NOS1AP: variants seen among roughly 807,000 people sequenced by gnomAD.
NOS1AP encodes carboxyl-terminal PDZ ligand of neuronal nitric oxide synthase protein.
Under a neutral mutation model 56.2 loss-of-function variants are expected in NOS1AP, and 21 were observed. That is an observed-to-expected ratio of 0.37 (90% confidence interval 0.26 to 0.54). The LOEUF (loss-of-function observed/expected upper bound fraction) is 0.54, where lower values mean the gene tolerates loss of function less well. Among genes scored for constraint, NOS1AP ranks in the 20% least tolerant of loss-of-function variants. NOS1AP has a pLI of 0.84. For synonymous variants in NOS1AP, 270 were observed against 274.6 expected (o/e 0.98, Z 0.17); for missense variants, 522 against 657.8 (o/e 0.79, Z 2.26).
At chr1:162,184,774 AAGTT>A (rs1651372401) in intron 2 of NOS1AP, among the ~76,000 whole-genome samples, 1 of 152,196 alleles carries the variant, frequency 6.6e-6, no homozygotes, top group African/African-American at 2.4e-5. Flanking sequence ...TGAAGTGAGA[AAGTT>A]AGATTAAATC....
At position 162,171,865 on chromosome 1, in the gene NOS1AP, C is replaced by T. The variant is rs1412692474; in HGVS notation, c.177+17389C>T. On this transcript the variant is annotated intron_variant, in intron 2 of 9. Transcript: ENST00000361897. ...GCCTCTCTCCTTTCATGGAATCTCC[C>T]TGTGCAATAAAGGAAAGCTGAGGAC... Among the ~76,000 whole-genome samples the T allele has an allele frequency of 3.9e-5, 6 of 152,242 alleles. No individual in the cohort carries two copies. In the East Asian group the frequency reaches 7.7e-4, roughly 20 times the overall value.
intron 2 of NOS1AP, among the ~76,000 whole-genome samples, chr1:162,269,402 A>G (rs1056891638): frequency 2.0e-5 from 3 of 152,190 alleles, no homozygotes; most frequent in Non-Finnish European, 4.4e-5. Flanking sequence ...TTTTTTGAAA[A>G]GTAACTTTAA....
chr1:162,262,794 T>C (rs959646740), intron 2 of NOS1AP, among the ~76,000 whole-genome samples: 5 of 152,202 alleles, frequency 3.3e-5, no homozygotes, highest in Non-Finnish European at 7.3e-5. Flanking sequence ...GTAATCTTAA[T>C]GTGAAAAACA....
intron 6 of NOS1AP, among the ~76,000 whole-genome samples, chr1:162,346,446 GA>G (rs1657298063): frequency 1.6e-5 from 1 of 63,140 alleles, no homozygotes; most frequent in Admixed American, 2.0e-4. Flanking sequence ...GTGAATAAAG[GA>G]AAAAAATAGA....
chr1:162,273,565 T>C (rs1654651007), intron 2 of NOS1AP, among the ~76,000 whole-genome samples: 1 of 152,184 alleles, frequency 6.6e-6, no homozygotes, highest in Non-Finnish European at 1.5e-5. Flanking sequence ...TGTGCTAACC[T>C]TGGAGGCCTG....
chr1:162,301,475 C>T (rs1441561978), intron 4 of NOS1AP, among the ~76,000 whole-genome samples: 1 of 152,154 alleles, frequency 6.6e-6, no homozygotes, highest in African/African-American at 2.4e-5. Context: ...TATAAGCCAG[C>T]CAGTTTCTGG....
chr1:162,247,803 A>G (rs988184392), intron 2 of NOS1AP, among the ~76,000 whole-genome samples: 3 of 152,214 alleles, frequency 2.0e-5, no homozygotes, highest in African/African-American at 7.2e-5. Context: ...CTTTGGGAAG[A>G]CAGGTCTAAT....
chr1:162,318,078 C>A (rs950228911), intron 4 of NOS1AP, among the ~76,000 whole-genome samples: 5 of 152,166 alleles, frequency 3.3e-5, no homozygotes, highest in African/African-American at 1.2e-4. Flanking sequence ...GGACCCCAGG[C>A]GAGCTCCTCT....
intron 2 of NOS1AP, among the ~76,000 whole-genome samples, chr1:162,223,434 G>A (rs1345737462): frequency 6.6e-6 from 1 of 151,850 alleles, no homozygotes; most frequent in African/African-American, 2.4e-5. Flanking sequence ...TAGGGGTGGG[G>A]TGGGGGAGCT....
intron 8 of NOS1AP, chr1:162,360,428 C>T (rs539436540): frequency 5.1e-4 from 91 of 177,926 alleles, no homozygotes; most frequent in African/African-American, 1.8e-3. Context: ...TGGGCTGGGC[C>T]GACATAGTCT....
At chr1:162,273,524 G>GCAGTGGAGAGGGTATCCCTCACATT (rs1654650016) in intron 2 of NOS1AP, among the ~76,000 whole-genome samples, 1 of 152,132 alleles carries the variant, frequency 6.6e-6, no homozygotes, top group Non-Finnish European at 1.5e-5. Flanking sequence ...GCTTTGCACT[G>GCAGTGGAGAGGGTATCCCTCACATT]CAGTGGAGAG....
intron 1 of NOS1AP, among the ~76,000 whole-genome samples, chr1:162,076,958 G>A (rs900300582): frequency 6.6e-6 from 1 of 152,094 alleles, no homozygotes; most frequent in Non-Finnish European, 1.5e-5. Context: ...TCATTGTATG[G>A]ATATACCACA....
intron 1 of NOS1AP, among the ~76,000 whole-genome samples, chr1:162,071,005 G>A (rs1209100878): frequency 6.6e-6 from 1 of 152,132 alleles, no homozygotes; most frequent in Non-Finnish European, 1.5e-5. Flanking sequence ...TGGAGCAGAA[G>A]CCTCGGCCCT....
Position 162,367,107 on chromosome 1 carries a change from G to A in NOS1AP, c.1161G>A (p.Val387=). Residue 387 remains valine, a synonymous_variant, in exon 10 of 10, where the codon GTG becomes GTA. Transcript: ENST00000361897. The surrounding 1 kb of genome is among the most constrained non-coding windows in gnomAD (Gnocchi z 6.5). ...CCTTCCGCTCCGGAGCCCTGCCCGT[G>A]CTCTGTGACCCCACGACCCCTAAGC... is the stretch of plus-strand genomic sequence containing the variant. ...EITFRSGALP[V]LCDPTTPKPE... The A allele has an allele frequency of 1.9e-6, 3 of 1,613,926 alleles. No homozygotes were observed. The highest frequency in any genetic ancestry group is 2.2e-5 in the South Asian group (2 of 91,084).
intron 2 of NOS1AP, among the ~76,000 whole-genome samples, chr1:162,239,486 A>G (rs1483761113): frequency 1.3e-5 from 2 of 152,188 alleles, no homozygotes; most frequent in African/African-American, 2.4e-5. Context: ...TTGTTGTTCC[A>G]ATGGTCAGAT....
At chr1:162,096,707 A>G (rs1456635046) in intron 1 of NOS1AP, among the ~76,000 whole-genome samples, 1 of 152,150 alleles carries the variant, frequency 6.6e-6, no homozygotes, top group Non-Finnish European at 1.5e-5. Context: ...TATGGTGCTT[A>G]TTCTAAGTTT....
intron 2 of NOS1AP, among the ~76,000 whole-genome samples, chr1:162,255,871 G>A (rs1169992358): frequency 6.6e-6 from 1 of 152,218 alleles, no homozygotes; most frequent in Non-Finnish European, 1.5e-5. Flanking sequence ...GATGCTGGGT[G>A]CGGTGGCTTA....
intron 2 of NOS1AP, among the ~76,000 whole-genome samples, chr1:162,247,021 G>A (rs984916995): frequency 2.6e-5 from 4 of 152,172 alleles, no homozygotes; most frequent in East Asian, 1.9e-4. Flanking sequence ...GATCAAGGAC[G>A]TTAGATCACT....
intron 2 of NOS1AP, among the ~76,000 whole-genome samples, chr1:162,190,056 TCACC>T (rs1001326795): frequency 4.6e-5 from 7 of 152,222 alleles, no homozygotes; most frequent in African/African-American, 1.7e-4. Flanking sequence ...AGTGAGTTTC[TCACC>T]CTTTTGTAAT....
Sources: allele counts gnomAD v4.1 joint callset (sites outside exome capture counted in the v4.1 genomes callset), GRCh38; gene constraint gnomAD v4.1.1; non-coding constraint Gnocchi (gnomAD v3.1); transcripts MANE v1.5; gene names NCBI Gene and HGNC (gene_info 2026-07-23, HGNC 2026-07-21).